The following PLAG1 variants were observed in gnomAD, a reference collection of about 807,000 sequenced individuals.
The protein encoded by PLAG1 is PLAG1 zinc finger.
In PLAG1, 7 loss-of-function variants were observed where a neutral mutation model predicts 35.5. That is an observed-to-expected ratio of 0.20 (90% CI 0.11 to 0.37). PLAG1 has a LOEUF of 0.37. Among genes scored for constraint, PLAG1 ranks in the 10% least tolerant of loss-of-function variants. The probability of loss-of-function intolerance (pLI) is 1.00; values close to 1 mark genes in which losing one functional copy is unlikely to be tolerated. For missense variants in PLAG1, 454 were observed against 602.8 expected, an observed-to-expected ratio of 0.75 and a Z score of 2.58; for synonymous variants, 229 against 225.4, an observed-to-expected ratio of 1.02 and a Z score of -0.14.
intron 1 of PLAG1, among the ~76,000 whole-genome samples, chr8:56,191,145 C>A (rs990714733): frequency 1.3e-5 from 2 of 152,130 alleles, no homozygotes; most frequent in Admixed American, 6.5e-5. Flanking sequence ...TTTAGATCAC[C>A]CAGTAATGTC....
chr8:56,189,993 G>A (rs1812136730), intron 1 of PLAG1, among the ~76,000 whole-genome samples: 1 of 152,204 alleles, frequency 6.6e-6, no homozygotes, highest in South Asian at 2.1e-4. Flanking sequence ...AAGGGCTGCA[G>A]GACAGGTCAC....
rs1296674677 is a variant in PLAG1 at position 56,161,710 on chromosome 8, TG to T, written c.*4532del. The T allele has an allele frequency of 8.8e-6, 2 of 228,260 alleles. No individual in the cohort carries two copies. The highest frequency in any genetic ancestry group is 4.4e-5 in the African/African-American group (2 of 45,060). 14.1% of individuals were successfully genotyped at this position (228,260 alleles called of 1,614,324 possible). The stretch of plus-strand genomic sequence containing the variant: ...ATATATTGTACACTTTTACACCTAA[TG>T]TAGTCCTTTTTCTATGGATAAAAAA... On this transcript the variant is annotated 3_prime_UTR_variant, in exon 5 of 5. Coordinates refer to ENST00000316981, the MANE Select transcript of PLAG1 (RefSeq NM_002655.3).
At chr8:56,199,736 CG>C (rs1563393435) in intron 1 of PLAG1, among the ~76,000 whole-genome samples, 1 of 151,922 alleles carries the variant, frequency 6.6e-6, no homozygotes, top group Non-Finnish European at 1.5e-5. Context: ...CCACCCCCCC[CG>C]ATCCTCCCCT....
rs1213726030 is a variant in PLAG1, at chr8:56,167,379, A to C, written c.367T>G (p.Cys123Gly). Residue 123 changes from cysteine (C) to glycine (G), a missense_variant, in exon 5 of 5, where the codon TGC becomes GGC. This residue lies in a region of PLAG1 where 170 missense variants were observed against 226.3 expected (regional missense o/e 0.75). Coordinates refer to ENST00000316981, the MANE Select transcript of PLAG1 (RefSeq NM_002655.3). This position sits in a 1 kb window ranked among gnomAD's most constrained non-coding sequence, Gnocchi z 5.9. ...THDPNKETFK[C>G]EECGKNYNTK... is the part of the protein sequence containing the mutation. Reference sequence around the variant, plus strand: ...TTGTAGTTCTTGCCACATTCTTCGCACTTAAACGTCTCTTTGTTAGGGTCG... The same window carrying C: ...TTGTAGTTCTTGCCACATTCTTCGCCCTTAAACGTCTCTTTGTTAGGGTCG... The C allele has an allele frequency of 6.2e-7, 1 of 1,613,916 alleles. No individual in the cohort carries two copies. Among genetic ancestry groups the C allele is most frequent in the Non-Finnish European group, 8.5e-7 (1 of 1,179,986 alleles).
At chr8:56,206,784 T>C (rs1478520282) in intron 1 of PLAG1, among the ~76,000 whole-genome samples, 1 of 152,008 alleles carries the variant, frequency 6.6e-6, no homozygotes, top group African/African-American at 2.4e-5. Flanking sequence ...TTTCAAAGTA[T>C]TCAATGTTTC....
chr8:56,166,693 T>C lies in PLAG1; in HGVS notation c.1053A>G (p.Pro351=), dbSNP rs1344972222. 2 of 1,614,048 alleles carry C rather than the reference T, an allele frequency of 1.2e-6. No homozygotes were observed. The highest frequency in any genetic ancestry group is 1.1e-5 in the South Asian group (1 of 91,076). The change falls in exon 5 of 5, where the codon CCA becomes CCG. Residue 351 remains proline, a synonymous_variant. Coordinates refer to ENST00000316981, the MANE Select transcript of PLAG1 (RefSeq NM_002655.3). Reference sequence around the variant, plus strand: ...GGTAACTCTCAATTTCCCCCTTTAATGGCTGTTCTTTTTCAGGAATAGAAA... The same window carrying C: ...GGTAACTCTCAATTTCCCCCTTTAACGGCTGTTCTTTTTCAGGAATAGAAA... ...YAISIPEKEQ[P]LKGEIESYLM... is the part of the protein sequence containing the mutation.
At position 56,168,182 on chromosome 8, in the gene PLAG1, G is replaced by T. The variant is rs1244904987; in HGVS notation, c.88C>A (p.Pro30Thr). ...AGTTGGCAAGGAAAGTTTTTTCTTG[G>T]TTTGGTTTCACCACGCTTACGTTTC... ...SGKRKRGETK[P>T]RKNFPCQLCD... The change falls in exon 4 of 5, where the codon CCA (proline) becomes ACA (threonine). Residue 30 changes from proline to threonine, a missense_variant. By Grantham distance (38) the Pro-to-Thr change is conservative. Around this residue, in one of 4 missense-constraint regions of PLAG1, gnomAD observed 170 missense variants for 226.3 expected, o/e 0.75. Transcript: ENST00000316981. The T allele has an allele frequency of 1.2e-6, 2 of 1,613,644 alleles. No homozygotes were observed. The highest frequency in any genetic ancestry group is 1.3e-5 in the African/African-American group (1 of 74,856).
At chr8:56,172,423 A>T (rs1811558816) in intron 2 of PLAG1, among the ~76,000 whole-genome samples, 1 of 152,254 alleles carries the variant, frequency 6.6e-6, no homozygotes, top group South Asian at 2.1e-4. Context: ...GGAATTCTGC[A>T]CATCAAAATT....
At chr8:56,176,706 C>A (rs1563378634) in intron 2 of PLAG1, among the ~76,000 whole-genome samples, 1 of 150,780 alleles carries the variant, frequency 6.6e-6, no homozygotes, top group Non-Finnish European at 1.5e-5. Context: ...TATTGGTGAT[C>A]TTGGTCTGAT....
At chr8:56,206,831 A>G (rs542710781) in intron 1 of PLAG1, among the ~76,000 whole-genome samples, 1 of 152,126 alleles carries the variant, frequency 6.6e-6, no homozygotes, top group East Asian at 1.9e-4. Flanking sequence ...GACATTTAAA[A>G]ATGGCTCAAG....
Position 56,162,244 on chromosome 8 carries a change from A to G in PLAG1, c.*3999T>C, listed in dbSNP as rs1386703252. On this transcript the variant is annotated 3_prime_UTR_variant, in exon 5 of 5. Coordinates refer to ENST00000316981, the MANE Select transcript of PLAG1 (RefSeq NM_002655.3). Reference sequence around the variant, plus strand: ...CCATTGCTAATGACGAATACTAAACATTTAAAAGATCTCCTCCAATGTCAC... The same window carrying G: ...CCATTGCTAATGACGAATACTAAACGTTTAAAAGATCTCCTCCAATGTCAC... The G allele has an allele frequency of 1.3e-5, 3 of 228,978 alleles. No homozygotes were observed. In the East Asian group the frequency reaches 1.9e-4, roughly 14 times the overall value. 14.2% of individuals were successfully genotyped at this position (228,978 alleles called of 1,614,324 possible).
In PLAG1 at chr8:56,161,231, T is replaced by C. The variant is rs1811189561; in HGVS notation, c.*5012A>G. The C allele has an allele frequency of 5.0e-6, 1 of 200,142 alleles. No homozygotes were observed. The highest frequency in any genetic ancestry group is 1.0e-5 in the Non-Finnish European group (1 of 96,892). The allele number at this position is 200,142 out of a possible 1,614,324, so 12.4% of individuals were successfully genotyped here. ...CATTTTAAGTACACGATATACATGATAAGCCACTTGATTTCCCAATATTAC... is the reference window on the plus strand; with the variant it reads ...CATTTTAAGTACACGATATACATGACAAGCCACTTGATTTCCCAATATTAC... On this transcript the variant is annotated 3_prime_UTR_variant, in exon 5 of 5. Coordinates refer to ENST00000316981, the MANE Select transcript of PLAG1 (RefSeq NM_002655.3).
At chr8:56,189,004 T>C (rs1377654976) in intron 1 of PLAG1, among the ~76,000 whole-genome samples, 1 of 152,180 alleles carries the variant, frequency 6.6e-6, no homozygotes, top group Non-Finnish European at 1.5e-5. Context: ...TGGGTCCCAG[T>C]GAAGGCCACA....
intron 1 of PLAG1, among the ~76,000 whole-genome samples, chr8:56,205,354 T>A (rs1230423559): frequency 6.6e-6 from 1 of 151,884 alleles, no homozygotes; most frequent in Non-Finnish European, 1.5e-5. Context: ...TTAAAAAAAA[T>A]TCTGAATAAC....
chr8:56,209,849 C>G (rs1812803866), intron 1 of PLAG1, among the ~76,000 whole-genome samples: 1 of 152,048 alleles, frequency 6.6e-6, no homozygotes, highest in African/African-American at 2.4e-5. Flanking sequence ...AGCATAAATG[C>G]GACGAAAATG....
intron 1 of PLAG1, among the ~76,000 whole-genome samples, chr8:56,208,821 A>T (rs1283872303): frequency 3.3e-5 from 5 of 152,260 alleles, no homozygotes; most frequent in African/African-American, 1.2e-4. Flanking sequence ...GTCAGTAAAC[A>T]CTTTCTGTTA....
chr8:56,180,788 G>A (rs1811843493), intron 1 of PLAG1, among the ~76,000 whole-genome samples: 1 of 152,016 alleles, frequency 6.6e-6, no homozygotes, highest in Non-Finnish European at 1.5e-5. Flanking sequence ...CTATAGAACG[G>A]CAGAAAATTT....
intron 1 of PLAG1, among the ~76,000 whole-genome samples, chr8:56,193,145 A>G (rs1812236786): frequency 6.6e-6 from 1 of 152,192 alleles, no homozygotes; most frequent in Non-Finnish European, 1.5e-5. Context: ...TATACCTTTA[A>G]AAAGAGTCTG....
chr8:56,194,336 A>AT (rs1358777207), intron 1 of PLAG1, among the ~76,000 whole-genome samples: 2 of 151,020 alleles, frequency 1.3e-5, no homozygotes, highest in African/African-American at 4.9e-5. Flanking sequence ...AAAAAAAAAA[A>AT]GGAAAAAGAA....
Sources: gnomAD v4.1 joint callset for allele counts (sites outside exome capture counted in the v4.1 genomes callset) on GRCh38, gnomAD v4.1.1 for gene constraint, gnomAD v4.1.1 regional missense constraint, Gnocchi (gnomAD v3.1) non-coding constraint, MANE v1.5 for transcripts, NCBI Gene and HGNC (gene_info 2026-07-23, HGNC 2026-07-21) for gene names.